The following SULF1 variants were observed in gnomAD, a reference collection of about 807,000 sequenced individuals.
SULF1 encodes the protein extracellular sulfatase Sulf-1.
SULF1 carries 46 observed loss-of-function variants against 110.5 expected under a neutral mutation model. The ratio of observed to expected loss-of-function variants is 0.42; its 90% CI spans 0.33 to 0.53. The LOEUF (loss-of-function observed/expected upper bound fraction) is 0.53, where lower values mean the gene tolerates loss of function less well. Among genes scored for constraint, SULF1 ranks in the 20% least tolerant of loss-of-function variants. The pLI is 0.12. For missense variants in SULF1, 941 were observed against 1,094.2 expected (o/e 0.86, Z 1.98); for synonymous variants, 371 against 387.1 (o/e 0.96, Z 0.49).
At chr8:69,596,829 C>G (rs1807376367) in intron 8 of SULF1, among the ~76,000 whole-genome samples, 1 of 152,162 alleles carries the variant, frequency 6.6e-6, no homozygotes, top group African/African-American at 2.4e-5. Context: ...AAGCTCTTTT[C>G]CAGCTACCTA....
chr8:69,638,256 C>A, intron 19 of SULF1: 1 of 470,230 alleles, frequency 2.1e-6, no homozygotes, highest in African/African-American at 2.0e-5. Context: ...AACTAATGTG[C>A]CTGAAATTTT....
chr8:69,495,372 C>T (rs781118104), intron 1 of SULF1, among the ~76,000 whole-genome samples: 12 of 151,880 alleles, frequency 7.9e-5, no homozygotes, highest in Non-Finnish European at 1.8e-4. Flanking sequence ...CCAGCCTGAG[C>T]AACATAGTGA....
intron 5 of SULF1, among the ~76,000 whole-genome samples, chr8:69,568,566 G>A (rs1411573523): frequency 6.6e-6 from 1 of 152,182 alleles, no homozygotes; most frequent in Non-Finnish European, 1.5e-5. Flanking sequence ...CATGAGTTGG[G>A]TGGGTAGGAC....
chr8:69,618,346 C>T (rs1011038109), intron 13 of SULF1, among the ~76,000 whole-genome samples: 2 of 152,162 alleles, frequency 1.3e-5, no homozygotes, highest in Non-Finnish European at 2.9e-5. Flanking sequence ...CTGTATTGAA[C>T]CTGCATAAAC....
chr8:69,579,922 G>A (rs367693866), intron 6 of SULF1, among the ~76,000 whole-genome samples: 33 of 152,002 alleles, frequency 2.2e-4, no homozygotes, highest in African/African-American at 2.4e-5. Flanking sequence ...AAATAATGAC[G>A]GAAACTGAAA....
At chr8:69,636,350 C>G (rs1811007912) in intron 19 of SULF1, among the ~76,000 whole-genome samples, 1 of 152,112 alleles carries the variant, frequency 6.6e-6, no homozygotes. Context: ...TCCTGGCTAA[C>G]ACGGTGAAAC....
chr8:69,603,353 A>G, intron 11 of SULF1, 33 bp downstream of exon 11: 1 of 1,613,476 alleles, frequency 6.2e-7, no homozygotes, highest in Non-Finnish European at 8.5e-7. Flanking sequence ...AGCCAGCCCC[A>G]AATACACTGA....
chr8:69,657,118 C>T (rs531237383), intron 22 of SULF1, among the ~76,000 whole-genome samples: 13 of 152,306 alleles, frequency 8.5e-5, no homozygotes, highest in African/African-American at 2.6e-4. Flanking sequence ...TTACAACCCT[C>T]CTGGTTTAAG....
intron 1 of SULF1, among the ~76,000 whole-genome samples, chr8:69,467,736 A>G (rs1008479185): frequency 1.3e-5 from 2 of 152,202 alleles, no homozygotes; most frequent in Admixed American, 1.3e-4. Context: ...TAGGTTTTAG[A>G]CCGGCTAAGT....
chr8:69,603,776 A>G, intron 12 of SULF1, 120 bp downstream of exon 12: 1 of 724,286 alleles, frequency 1.4e-6, no homozygotes, highest in Non-Finnish European at 2.5e-6. Context: ...AAACCTAGTC[A>G]CAAGATTGAA....
chr8:69,492,094 GA>G (rs1809970101), upstream of SULF1, among the ~76,000 whole-genome samples: 3 of 152,136 alleles, frequency 2.0e-5, no homozygotes, highest in South Asian at 6.2e-4. Context: ...TGTGGAGACA[GA>G]AATTGTGGGC....
rs78899161 is a variant in SULF1 at position 69,512,404 on chromosome 8, A to G, written c.-134+10436A>G. On this transcript the variant is annotated intron_variant, in intron 3 of 22. Transcript: ENST00000402687. ...ATGGCTTCTTATATGTACAGAATCC[A>G]GTTCAAATCTTTTCAAAGCCAGCCA... is the stretch of plus-strand genomic sequence containing the variant. Among the ~76,000 whole-genome samples, 6 of 152,312 alleles carry G rather than the reference A, an allele frequency of 3.9e-5. No individual in the cohort carries two copies. In the East Asian group the frequency reaches 9.7e-4, roughly 25 times the overall value.
chr8:69,609,086 A>G (rs1335508746), intron 13 of SULF1, among the ~76,000 whole-genome samples: 3 of 152,296 alleles, frequency 2.0e-5, no homozygotes, highest in African/African-American at 2.4e-5. Flanking sequence ...GCTTACTCCC[A>G]TAATCCCAGC....
intron 3 of SULF1, among the ~76,000 whole-genome samples, chr8:69,523,162 G>A (rs1273849133): frequency 2.0e-5 from 3 of 152,134 alleles, no homozygotes; most frequent in African/African-American, 4.8e-5. Flanking sequence ...TCTGGCCCAT[G>A]GGTAGAAGAA....
At chr8:69,557,918 T>A (rs1272912467) in intron 3 of SULF1, among the ~76,000 whole-genome samples, 2 of 152,174 alleles carry the variant, frequency 1.3e-5, no homozygotes, top group Non-Finnish European at 2.9e-5. Flanking sequence ...GATTTATTAT[T>A]GGAGGAGAAT....
In SULF1 at chr8:69,609,889, A is replaced by G. The variant is rs141763058; in HGVS notation, c.1377+4957A>G. Among the ~76,000 whole-genome samples, 47 of 152,338 alleles carry G rather than the reference A, an allele frequency of 3.1e-4. 1 individual carries two copies. In the East Asian group the frequency reaches 8.5e-3, roughly 27 times the overall value. ...AGCTCCCCTGATGATTCCTACGTGC[A>G]GACAAGCTTGAGATCCACAAATGTC... On this transcript the variant is annotated intron_variant, in intron 13 of 22. Coordinates refer to ENST00000402687, the MANE Select transcript of SULF1 (RefSeq NM_001128205.2).
At chr8:69,487,330 T>G (rs992124313) in intron 1 of SULF1, among the ~76,000 whole-genome samples, 2 of 152,188 alleles carry the variant, frequency 1.3e-5, no homozygotes, top group African/African-American at 4.8e-5. Context: ...GAGCTGTCAT[T>G]TTAGCAATCT....
At chr8:69,485,031 C>A (rs1809649448) in intron 1 of SULF1, among the ~76,000 whole-genome samples, 1 of 152,084 alleles carries the variant, frequency 6.6e-6, no homozygotes, top group Non-Finnish European at 1.5e-5. Flanking sequence ...GTGCCCATCA[C>A]AGCTGCCCTC....
intron 15 of SULF1, among the ~76,000 whole-genome samples, chr8:69,626,387 G>T (rs186647464): frequency 8.1e-4 from 123 of 152,360 alleles, no homozygotes; most frequent in East Asian, 7.7e-4. Flanking sequence ...AAGACTCCAC[G>T]TCCCCACCAG....
Sources: allele counts gnomAD v4.1 joint callset (sites outside exome capture counted in the v4.1 genomes callset), GRCh38; gene constraint gnomAD v4.1.1; transcripts MANE v1.5; gene names NCBI Gene and HGNC (gene_info 2026-07-23, HGNC 2026-07-21).